ERAP1: variants seen among roughly 807,000 people sequenced by gnomAD.
The protein encoded by ERAP1 is adipocyte-derived leucine aminopeptidase.
Under a neutral mutation model 103.7 loss-of-function variants are expected in ERAP1, and 86 were observed. The observed-to-expected ratio is 0.83, with a 90% CI of 0.70 to 0.99. The LOEUF is 0.99. Ranked by LOEUF, ERAP1 falls within the 50% of genes least tolerant of loss-of-function variation. ERAP1 has a pLI of 0.00. For synonymous variants in ERAP1, 398 were observed against 402.4 expected (o/e 0.99, Z 0.13); for missense variants, 1,009 against 1,128.4 (o/e 0.89, Z 1.52).
the ERAP1 span, among the ~76,000 whole-genome samples, chr5:96,903,085 G>C: frequency 6.6e-6 from 1 of 152,176 alleles, no homozygotes; most frequent in Admixed American, 6.5e-5. Context: ...CGTCATGCTA[G>C]TCATCTGGCT....
chr5:96,875,273 G>T, the ERAP1 span, among the ~76,000 whole-genome samples: 1 of 152,134 alleles, frequency 6.6e-6, no homozygotes, highest in African/African-American at 2.4e-5. Flanking sequence ...GGTGTCTCAT[G>T]CCTGTAATCC....
chr5:96,915,956 C>T, the ERAP1 span: 1 of 465,590 alleles, frequency 2.1e-6, no homozygotes, highest in East Asian at 4.0e-5. Context: ...GGCACAGTGG[C>T]TCACACCTGT....
the ERAP1 span, among the ~76,000 whole-genome samples, chr5:96,889,757 C>CA: frequency 6.6e-6 from 1 of 152,056 alleles, no homozygotes; most frequent in Non-Finnish European, 1.5e-5. Flanking sequence ...GGGAGGGAAA[C>CA]ACACCTCCCA....
the ERAP1 span, chr5:96,892,479 C>T: frequency 3.7e-6 from 6 of 1,612,152 alleles, no homozygotes; most frequent in East Asian, 6.7e-5. Context: ...GACATTATCT[C>T]GATATCAGTT....
the ERAP1 span, among the ~76,000 whole-genome samples, chr5:96,848,984 A>G: frequency 6.6e-6 from 1 of 152,256 alleles, no homozygotes; most frequent in African/African-American, 2.4e-5. Context: ...TATGCAAATC[A>G]TAAATGTAAT....
At chr5:96,915,946 G>A in the ERAP1 span, 1 of 479,434 alleles carries the variant, frequency 2.1e-6, no homozygotes, top group Non-Finnish European at 3.6e-6. Context: ...CACTTGGCCA[G>A]GCACAGTGGC....
the ERAP1 span, among the ~76,000 whole-genome samples, chr5:96,899,237 A>G: frequency 6.6e-6 from 1 of 152,230 alleles, no homozygotes; most frequent in East Asian, 1.9e-4. Context: ...TTGTCTTCTA[A>G]GTCCAATAGT....
chr5:96,774,424 A>C (rs577490632), downstream of ERAP1: 74 of 744,980 alleles, frequency 9.9e-5, no homozygotes, highest in Non-Finnish European at 1.2e-4. Context: ...AAGCTACAGG[A>C]TCTAAAGCAG....
chr5:96,786,136 A>C (rs748499744), intron 12 of ERAP1, 165 bp from the exon 13 acceptor site: 26 of 681,718 alleles, frequency 3.8e-5, no homozygotes, highest in Non-Finnish European at 6.1e-5. Flanking sequence ...CAATAGACAA[A>C]AGCTAACACT....
At chr5:96,914,496 G>C in the ERAP1 span, among the ~76,000 whole-genome samples, 1 of 152,150 alleles carries the variant, frequency 6.6e-6, no homozygotes. Flanking sequence ...AACTCTACTT[G>C]AGCCATTGAT....
chr5:96,929,286 C>T, the ERAP1 span, among the ~76,000 whole-genome samples: 8 of 152,326 alleles, frequency 5.3e-5, no homozygotes, highest in Non-Finnish European at 7.4e-5. Context: ...TTATGCCCCT[C>T]AGCAGAATTC....
chr5:96,851,148 T>C, the ERAP1 span, among the ~76,000 whole-genome samples: 1 of 152,242 alleles, frequency 6.6e-6, no homozygotes, highest in South Asian at 2.1e-4. Flanking sequence ...AATTATATTA[T>C]GGTCTATGTT....
chr5:96,896,594 C>G, the ERAP1 span: 3 of 1,482,228 alleles, frequency 2.0e-6, no homozygotes, highest in South Asian at 3.9e-5. Flanking sequence ...GGTGCCAGTT[C>G]CTGCTACTTG....
the ERAP1 span, chr5:96,896,674 C>A: frequency 2.0e-6 from 3 of 1,504,422 alleles, no homozygotes; most frequent in Non-Finnish European, 2.7e-6. Context: ...CCTTTAAAAA[C>A]ATACCATACT....
At chr5:96,922,370 A>C in the ERAP1 span, among the ~76,000 whole-genome samples, 1 of 152,202 alleles carries the variant, frequency 6.6e-6, no homozygotes, top group African/African-American at 2.4e-5. Flanking sequence ...CGTCTCTAAT[A>C]TATTGAGTTG....
the ERAP1 span, chr5:96,896,254 C>T: frequency 1.3e-6 from 1 of 770,772 alleles, no homozygotes; most frequent in Non-Finnish European, 2.0e-6. Context: ...AGAAACATCT[C>T]CCAAGAAATA....
At chr5:96,825,500 T>C in the ERAP1 span, among the ~76,000 whole-genome samples, 1 of 152,248 alleles carries the variant, frequency 6.6e-6, no homozygotes, top group East Asian at 1.9e-4. Flanking sequence ...TTAGATCCAG[T>C]TGATTGATGG....
the ERAP1 span, chr5:96,901,537 A>T: frequency 6.2e-7 from 1 of 1,613,894 alleles, no homozygotes; most frequent in African/African-American, 1.3e-5. Context: ...GCAGAGGTCA[A>T]AGAGATGATG....
the ERAP1 span, among the ~76,000 whole-genome samples, chr5:96,850,243 G>A: frequency 2.0e-5 from 3 of 152,234 alleles, no homozygotes; most frequent in East Asian, 1.9e-4. Flanking sequence ...ATAGGCAAGC[G>A]GGATTGCATA....
Sources: gnomAD v4.1 joint callset for allele counts (sites outside exome capture counted in the v4.1 genomes callset) on GRCh38, gnomAD v4.1.1 for gene constraint, MANE v1.5 for transcripts, NCBI Gene and HGNC (gene_info 2026-07-23, HGNC 2026-07-21) for gene names.